The following ITGA9 variants were observed in gnomAD, a reference collection of about 807,000 sequenced individuals.
ITGA9 encodes integrin subunit alpha 9, also known as integrin alpha-9.
Under a neutral mutation model 127.8 loss-of-function variants are expected in ITGA9, and 56 were observed. That is an observed-to-expected ratio of 0.44 (90% CI 0.35 to 0.55). The LOEUF is 0.55. ITGA9 is among the 20% of genes least tolerant of loss of function. The pLI is 0.00. For synonymous variants in ITGA9, 508 were observed against 514.5 expected (o/e 0.99, Z 0.17); for missense variants, 1,196 against 1,347.1 (o/e 0.89, Z 1.76).
intron 17 of ITGA9, among the ~76,000 whole-genome samples, chr3:37,675,541 C>T (rs1700672765): frequency 6.6e-6 from 1 of 152,156 alleles, no homozygotes; most frequent in African/African-American, 2.4e-5. Context: ...TTTTCTCCCA[C>T]CACATCACAG....
At chr3:37,582,445 A>G (rs762560960) in intron 15 of ITGA9, among the ~76,000 whole-genome samples, 1 of 152,212 alleles carries the variant, frequency 6.6e-6, no homozygotes, top group African/African-American at 2.4e-5. Flanking sequence ...GGCTAAATGT[A>G]TATGGTATTT....
At chr3:37,470,673 G>A (rs1403590197) in intron 1 of ITGA9, among the ~76,000 whole-genome samples, 1 of 152,076 alleles carries the variant, frequency 6.6e-6, no homozygotes, top group Non-Finnish European at 1.5e-5. Flanking sequence ...GCCTTGCCTG[G>A]CCATTTTTTT....
chr3:37,736,470 G>A (rs996276048), intron 19 of ITGA9, among the ~76,000 whole-genome samples: 3 of 152,038 alleles, frequency 2.0e-5, no homozygotes, highest in African/African-American at 7.2e-5. Context: ...TTCTCTTTTT[G>A]GCAAGTGATC....
intron 15 of ITGA9, among the ~76,000 whole-genome samples, chr3:37,609,087 C>T (rs538297148): frequency 6.6e-6 from 1 of 152,288 alleles, no homozygotes; most frequent in East Asian, 1.9e-4. Context: ...GAGAATCACA[C>T]CATTGTCCTC....
At chr3:37,469,906 C>T (rs571462327) in intron 1 of ITGA9, among the ~76,000 whole-genome samples, 5 of 152,274 alleles carry the variant, frequency 3.3e-5, no homozygotes, top group African/African-American at 9.6e-5. Flanking sequence ...AGCGATTCTC[C>T]TGCCTCAGCC....
rs1435440851 is a variant in ITGA9, at chr3:37,452,719, G to A, written c.185+160G>A. ...GCGGCTCGGCCGCCGGGGGACGGCG[G>A]GAGAAGGGAGGACGCCGTCCGGGGC... On this transcript the variant is annotated intron_variant, in intron 1 of 27. Coordinates refer to ENST00000264741, the MANE Select transcript of ITGA9 (RefSeq NM_002207.3). This position sits in a 1 kb window ranked among gnomAD's most constrained non-coding sequence, Gnocchi z 7.3. Among the ~76,000 whole-genome samples, 2 of 152,062 alleles carry A rather than the reference G, an allele frequency of 1.3e-5. No homozygotes were observed. Among genetic ancestry groups the A allele is most frequent in the Non-Finnish European group, 2.9e-5 (2 of 67,958 alleles).
Position 37,452,546 on chromosome 3 carries a change from G to C in ITGA9, c.172G>C (p.Asp58His), listed in dbSNP as rs1357373119. ...FGYAVLEHFH[D>H]NTRWVLVGAP... ...CTACGCAGTTCTGGAGCATTTCCAC[G>C]ACAACACGCGCTGGTGAGTGCCCGC... Residue 58 changes from aspartate to histidine, a missense_variant, in exon 1 of 28, where the codon GAC (aspartate) becomes CAC (histidine). Physicochemically the swap from Asp to His is moderately conservative, Grantham distance 81. Coordinates refer to ENST00000264741, the MANE Select transcript of ITGA9 (RefSeq NM_002207.3). This position sits in a 1 kb window ranked among gnomAD's most constrained non-coding sequence, Gnocchi z 7.3. 1 of 1,522,808 alleles carries C rather than the reference G, an allele frequency of 6.6e-7. No homozygotes were observed. The highest frequency in any genetic ancestry group is 2.0e-5 in the Admixed American group (1 of 49,044). The allele number at this position is 1,522,808 out of a possible 1,614,324, so 94.3% of individuals were successfully genotyped here. A position where few individuals can be genotyped will look rare whatever the true frequency, so the allele number is the denominator to read the frequency against.
intron 15 of ITGA9, among the ~76,000 whole-genome samples, chr3:37,548,837 C>CAGTT (rs1699352416): frequency 6.6e-6 from 1 of 152,204 alleles, no homozygotes; most frequent in East Asian, 1.9e-4. Flanking sequence ...TTGATTCCTG[C>CAGTT]AGTTGGCTTT....
At position 37,547,073 on chromosome 3, in the gene ITGA9, T is replaced by G. The variant is rs1699333276; in HGVS notation, c.1689+4488T>G. Among the ~76,000 whole-genome samples, 2 of 152,208 alleles carry G rather than the reference T, an allele frequency of 1.3e-5. 1 individual carries two copies. The highest frequency in any genetic ancestry group is 2.9e-5 in the Non-Finnish European group (2 of 68,032). On this transcript the variant is annotated intron_variant, in intron 15 of 27. Transcript: ENST00000264741. ...CAGGCAGAGTGCAGGGGCAGTGATG[T>G]CATTCCCTACTGTGAGGATCAGTGA...
intron 1 of ITGA9, among the ~76,000 whole-genome samples, chr3:37,455,582 C>T (rs1317897152): frequency 3.9e-5 from 6 of 152,036 alleles, no homozygotes; most frequent in Admixed American, 3.9e-4. Context: ...AAAATATAGA[C>T]ATGAAAGGGA....
intron 13 of ITGA9, among the ~76,000 whole-genome samples, chr3:37,530,637 A>G (rs967672853): frequency 1.3e-5 from 2 of 150,768 alleles, no homozygotes; most frequent in African/African-American, 4.9e-5. Flanking sequence ...GGGCATCCCA[A>G]CTGGTTGTAT....
At chr3:37,730,894 C>T (rs1251500745) in intron 18 of ITGA9, among the ~76,000 whole-genome samples, 5 of 152,126 alleles carry the variant, frequency 3.3e-5, no homozygotes, top group Admixed American at 2.6e-4. Flanking sequence ...CATATACGTG[C>T]CACGGGGCAG....
chr3:37,506,754 G>C (rs897301724), intron 7 of ITGA9, among the ~76,000 whole-genome samples: 2 of 152,190 alleles, frequency 1.3e-5, no homozygotes, highest in African/African-American at 4.8e-5. Flanking sequence ...AGATTGAGTA[G>C]GTACAGATGG....
At chr3:37,809,484 T>TA (rs753460549) in intron 27 of ITGA9, among the ~76,000 whole-genome samples, 3 of 152,160 alleles carry the variant, frequency 2.0e-5, no homozygotes, top group East Asian at 1.9e-4. Flanking sequence ...GTGTCATAGA[T>TA]AAAATCACAG....
chr3:37,682,461 C>G (rs1488310384), intron 17 of ITGA9, among the ~76,000 whole-genome samples: 1 of 152,242 alleles, frequency 6.6e-6, no homozygotes, highest in East Asian at 1.9e-4. Flanking sequence ...TCTTCCTTCT[C>G]TAGCCATGCT....
intron 1 of ITGA9, among the ~76,000 whole-genome samples, chr3:37,454,883 C>T (rs1473139162): frequency 1.3e-5 from 2 of 152,086 alleles, no homozygotes; most frequent in Non-Finnish European, 2.9e-5. Flanking sequence ...TTTACCCAGG[C>T]TTGGTAAACT....
At chr3:37,471,786 G>C (rs972851489) in intron 2 of ITGA9, among the ~76,000 whole-genome samples, 6 of 152,196 alleles carry the variant, frequency 3.9e-5, no homozygotes, top group African/African-American at 1.4e-4. Context: ...GGGCATGGTG[G>C]CTCATGACTG....
intron 9 of ITGA9, among the ~76,000 whole-genome samples, chr3:37,516,089 G>A (rs1339763527): frequency 6.6e-6 from 1 of 152,142 alleles, no homozygotes; most frequent in Non-Finnish European, 1.5e-5. Flanking sequence ...ATTTGTGTAG[G>A]AGTCAGGTCC....
At chr3:37,536,576 G>T (rs1171327366) in intron 14 of ITGA9, among the ~76,000 whole-genome samples, 1 of 152,170 alleles carries the variant, frequency 6.6e-6, no homozygotes, top group Non-Finnish European at 1.5e-5. Context: ...TACCTGGCAG[G>T]GTTCAAGCCT....
Sources: gnomAD v4.1 joint callset for allele counts (sites outside exome capture counted in the v4.1 genomes callset) on GRCh38, gnomAD v4.1.1 for gene constraint, Gnocchi (gnomAD v3.1) non-coding constraint, MANE v1.5 for transcripts, NCBI Gene and HGNC (gene_info 2026-07-23, HGNC 2026-07-21) for gene names.